Variants in ARL8B observed in about 807,000 individuals in gnomAD.
ARL8B encodes the protein ARF like GTPase 8B.
In ARL8B, 9 loss-of-function variants were observed where a neutral mutation model predicts 30.6. The observed-to-expected ratio is 0.29, with a 90% CI of 0.18 to 0.51. The LOEUF (loss-of-function observed/expected upper bound fraction) is 0.51. Among genes scored for constraint, ARL8B ranks in the 20% least tolerant of loss-of-function variants. ARL8B has a pLI of 0.97. For missense variants in ARL8B, 130 were observed against 227.2 expected, an observed-to-expected ratio of 0.57 and a Z score of 2.75; for synonymous variants, 74 against 76.0, an observed-to-expected ratio of 0.97 and a Z score of 0.14.
chr3:5,123,191 C>T (rs956565574), intron 1 of ARL8B, among the ~76,000 whole-genome samples: 2 of 152,088 alleles, frequency 1.3e-5, no homozygotes, highest in Admixed American at 1.3e-4. Flanking sequence ...TCCAGCTAGC[C>T]CACAATACAT....
chr3:5,154,187 A>AT (rs1054781730), intron 1 of ARL8B, among the ~76,000 whole-genome samples: 1 of 150,588 alleles, frequency 6.6e-6, no homozygotes, highest in Non-Finnish European at 1.5e-5. Flanking sequence ...ATTTTCAGTC[A>AT]TTTTTTTCAA....
chr3:5,134,238 G>T (rs192211680), intron 1 of ARL8B, among the ~76,000 whole-genome samples: 1 of 152,166 alleles, frequency 6.6e-6, no homozygotes, highest in Admixed American at 6.5e-5. Context: ...CCAATGTTTC[G>T]GACACAAGGA....
At chr3:5,155,854 G>T (rs11925441) in intron 1 of ARL8B, among the ~76,000 whole-genome samples, 9,832 of 80,558 alleles carry the variant, frequency 0.12, 356 homozygotes, top group African/African-American at 0.26. Context: ...TTTTTTTTTT[G>T]TTGTTGTTGT....
Position 5,165,539 on chromosome 3 carries a change from G to A in ARL8B, c.124-4964G>A, listed in dbSNP as rs191686909. On this transcript the variant is annotated intron_variant, in intron 1 of 6. Coordinates refer to ENST00000256496, the MANE Select transcript of ARL8B (RefSeq NM_018184.3). ...AAGAAAAGACCACTCTGTTTAGCAT[G>A]TGAAAAGTAGCTTCTTCTGTACTGT... Among the ~76,000 whole-genome samples the A allele has an allele frequency of 2.9e-4, 44 of 152,092 alleles. 1 individual carries two copies. In the East Asian group the frequency reaches 8.5e-3, roughly 29 times the overall value.
At chr3:5,149,702 T>C (rs1204259014) in intron 1 of ARL8B, among the ~76,000 whole-genome samples, 1 of 152,248 alleles carries the variant, frequency 6.6e-6, no homozygotes, top group Non-Finnish European at 1.5e-5. Context: ...CTACAGTCTG[T>C]TCACTTATCA....
At chr3:5,159,008 C>CTTTGGG (rs2054555843) in intron 1 of ARL8B, among the ~76,000 whole-genome samples, 1 of 152,098 alleles carries the variant, frequency 6.6e-6, no homozygotes, top group Non-Finnish European at 1.5e-5. Flanking sequence ...CCTGTAACCC[C>CTTTGGG]AGCACTTTGG....
chr3:5,161,262 CTGAT>C (rs2054577850), intron 1 of ARL8B, among the ~76,000 whole-genome samples: 1 of 152,156 alleles, frequency 6.6e-6, no homozygotes. Flanking sequence ...TAAGGCAAAT[CTGAT>C]TGTTTGCCAG....
intron 1 of ARL8B, among the ~76,000 whole-genome samples, chr3:5,143,405 A>G (rs971225028): frequency 1.3e-5 from 2 of 152,122 alleles, no homozygotes; most frequent in Non-Finnish European, 2.9e-5. Flanking sequence ...TTGTTTCCCC[A>G]TGCATCCTTG....
At chr3:5,158,022 C>T (rs2054547285) in intron 1 of ARL8B, among the ~76,000 whole-genome samples, 1 of 151,986 alleles carries the variant, frequency 6.6e-6, no homozygotes, top group African/African-American at 2.4e-5. Flanking sequence ...GTTGCCCAGG[C>T]TGGAGTGCAA....
At chr3:5,146,100 G>A (rs183530570) in intron 1 of ARL8B, among the ~76,000 whole-genome samples, 603 of 152,226 alleles carry the variant, frequency 4.0e-3, no homozygotes, top group Non-Finnish European at 6.6e-3. Context: ...ATAAGTTTGG[G>A]GCTTCCGTGA....
rs1331616561 is a variant in ARL8B, at chr3:5,179,381, C to G, written c.*668C>G. On this transcript the variant is annotated 3_prime_UTR_variant, in exon 7 of 7. Transcript: ENST00000256496. ...AAAGATATCCTGCTTTCTGAGAACT[C>G]TATCACCAGATGGCAGTTGGGATAT... 2 of 152,200 alleles carry G rather than the reference C, an allele frequency of 1.3e-5. No homozygotes were observed. Among genetic ancestry groups the G allele is most frequent in the East Asian group, 1.9e-4 (1 of 5,202 alleles). 9.4% of individuals were successfully genotyped at this position (152,200 alleles called of 1,614,324 possible).
At chr3:5,140,558 G>T (rs1172092164) in intron 1 of ARL8B, among the ~76,000 whole-genome samples, 10 of 144,424 alleles carry the variant, frequency 6.9e-5, no homozygotes, top group Non-Finnish European at 1.4e-4. Context: ...CACCTTCTTG[G>T]TTTTTTTTTT....
At chr3:5,130,029 A>G (rs2054268267) in intron 1 of ARL8B, among the ~76,000 whole-genome samples, 2 of 150,070 alleles carry the variant, frequency 1.3e-5, no homozygotes, top group South Asian at 4.2e-4. Flanking sequence ...ACACACAGCT[A>G]GTTTTTGTAT....
At chr3:5,166,343 CTT>C (rs1293138084) in intron 1 of ARL8B, among the ~76,000 whole-genome samples, 1 of 121,776 alleles carries the variant, frequency 8.2e-6, no homozygotes. Flanking sequence ...TGGCTGGTAT[CTT>C]TCGTTTTTTT....
rs1400456743 is a variant in ARL8B, at chr3:5,122,320, G to C, written c.-146G>C. On this transcript the variant is annotated 5_prime_UTR_variant, in exon 1 of 7. Coordinates refer to ENST00000256496, the MANE Select transcript of ARL8B (RefSeq NM_018184.3). Reference sequence around the variant, plus strand: ...TGATCCGCTCGGCTTCCTGGGTCTGGCTGCTGCCGCCCGCCGGTGTCCGCC... The same window carrying C: ...TGATCCGCTCGGCTTCCTGGGTCTGCCTGCTGCCGCCCGCCGGTGTCCGCC... 6 of 1,522,664 alleles carry C rather than the reference G, an allele frequency of 3.9e-6. No homozygotes were observed. In the East Asian group the frequency reaches 1.2e-4, roughly 32 times the overall value. 94.3% of individuals were successfully genotyped at this position (1,522,664 alleles called of 1,614,324 possible).
intron 1 of ARL8B, among the ~76,000 whole-genome samples, chr3:5,161,129 A>G (rs578044519): frequency 6.6e-6 from 1 of 152,352 alleles, no homozygotes; most frequent in East Asian, 1.9e-4. Flanking sequence ...TTTGTTATCC[A>G]GGCTGGTTTC....
chr3:5,128,633 A>C, intron 1 of ARL8B: 1 of 221,276 alleles, frequency 4.5e-6, no homozygotes, highest in South Asian at 5.1e-5. Flanking sequence ...TGAACCTATA[A>C]AAAAGTTACT....
rs762303414 is a variant in ARL8B, at chr3:5,172,669, C to T, written c.301C>T (p.Arg101Cys). ...AIVYMIDAAD[R>C]EKIEASRNEL... ...AAGTTACATGATAGATGCTGCAGAT[C>T]GTGAAAAGATAGAAGCTTCCCGAAA... Residue 101 changes from arginine (R) to cysteine (C), a missense_variant, in exon 4 of 7, where the codon CGT becomes TGT. By Grantham distance (180) the Arg-to-Cys change is radical. Coordinates refer to ENST00000256496, the MANE Select transcript of ARL8B (RefSeq NM_018184.3). The T allele has an allele frequency of 6.2e-6, 10 of 1,611,690 alleles. No homozygotes were observed. The highest frequency in any genetic ancestry group is 5.0e-5 in the Admixed American group (3 of 59,906).
At chr3:5,130,616 C>T (rs989490097) in intron 1 of ARL8B, among the ~76,000 whole-genome samples, 1 of 151,866 alleles carries the variant, frequency 6.6e-6, no homozygotes, top group African/African-American at 2.4e-5. Context: ...TGACTGTAAC[C>T]TCTGCCTCCT....
Sources: allele counts gnomAD v4.1 joint callset (sites outside exome capture counted in the v4.1 genomes callset), GRCh38; gene constraint gnomAD v4.1.1; transcripts MANE v1.5; gene names NCBI Gene and HGNC (gene_info 2026-07-23, HGNC 2026-07-21).